NMNAT3: variants seen among roughly 807,000 people sequenced by gnomAD.
NMNAT3 encodes nicotinamide/nicotinic acid mononucleotide adenylyltransferase 3.
A neutral mutation model predicts 24.8 loss-of-function variants in NMNAT3; 21 were observed. The observed-to-expected ratio is 0.85, with a 90% CI of 0.60 to 1.22. The LOEUF is 1.22. Ranked by LOEUF, NMNAT3 falls within the 50% of genes most tolerant of loss-of-function variation. NMNAT3 has a pLI of 0.00. For synonymous variants in NMNAT3, 136 were observed against 155.2 expected, an observed-to-expected ratio of 0.88 and a Z score of 0.92; for missense variants, 387 against 436.6, an observed-to-expected ratio of 0.89 and a Z score of 1.01.
intron 1 of NMNAT3, among the ~76,000 whole-genome samples, chr3:139,663,835 C>A (rs2057495587): frequency 6.6e-6 from 1 of 152,164 alleles, no homozygotes; most frequent in African/African-American, 2.4e-5. Context: ...CACAGACTTC[C>A]TTCTCTCCCT....
intron 3 of NMNAT3, among the ~76,000 whole-genome samples, chr3:139,592,078 T>G (rs1437908131): frequency 6.6e-6 from 1 of 151,966 alleles, no homozygotes; most frequent in Non-Finnish European, 1.5e-5. Context: ...TGAAAAAAAT[T>G]TAGAAGAATG....
Position 139,633,182 on chromosome 3 carries a change from T to A in NMNAT3, c.-41+4781A>T, listed in dbSNP as rs78072722. Among the ~76,000 whole-genome samples the A allele has an allele frequency of 3.9e-3, 218 of 55,444 alleles. 3 individuals carry two copies. In the South Asian group the frequency reaches 0.054, roughly 14 times the overall value. The allele number at this position is 55,444 out of a possible 152,430, so 36.4% of individuals were successfully genotyped here. ...GGAATACATTTGTGTTTTTGTTTGA[T>A]TTTTTTTTTTTTTTTGAGATAGCGT... On this transcript the variant is annotated intron_variant, in intron 2 of 6. Coordinates refer to ENST00000643695, the MANE Select transcript of NMNAT3 (RefSeq NM_001320510.2).
chr3:139,598,463 C>T (rs1237203128), intron 3 of NMNAT3, among the ~76,000 whole-genome samples: 1 of 152,156 alleles, frequency 6.6e-6, no homozygotes, highest in Non-Finnish European at 1.5e-5. Flanking sequence ...AACTAGCCTA[C>T]TCAGAAAGAC....
chr3:139,560,883 A>G lies in NMNAT3; in HGVS notation c.*127T>C. 1 of 916,478 alleles carries G rather than the reference A, an allele frequency of 1.1e-6. No individual in the cohort carries two copies. The highest frequency in any genetic ancestry group is 2.4e-5 in the Admixed American group (1 of 42,502). The allele number at this position is 916,478 out of a possible 1,614,324, so 56.8% of individuals were successfully genotyped here. A position where few individuals can be genotyped will look rare whatever the true frequency, so the allele number is the denominator to read the frequency against. ...CTGGGACAGAAGACTCCTCAGAAGT[A>G]GAATCACTGTAGAAATAAAGCAAAT... On this transcript the variant is annotated 3_prime_UTR_variant, in exon 7 of 7. Coordinates refer to ENST00000643695, the MANE Select transcript of NMNAT3 (RefSeq NM_001320510.2).
In NMNAT3 at chr3:139,573,649, G is replaced by A; in HGVS notation, c.607C>T (p.Pro203Ser). 6.2e-7 allele frequency: 1 copy of A among 1,606,084 alleles called. No individual in the cohort carries two copies. Among genetic ancestry groups the A allele is most frequent in the Non-Finnish European group, 8.5e-7 (1 of 1,176,700 alleles). ...CCATGGTCTGGGCCTTCCATCTGGG[G>A]TGGAGATCTGAGCAGTTTGCTGTGA... Residue 203 changes from proline to serine, a missense_variant, in exon 6 of 7, where the codon CCC becomes TCC. Transcript: ENST00000643695.
intron 1 of NMNAT3, among the ~76,000 whole-genome samples, chr3:139,651,160 T>C (rs2057043721): frequency 6.6e-6 from 1 of 152,146 alleles, no homozygotes; most frequent in African/African-American, 2.4e-5. Flanking sequence ...TAAGAATTGG[T>C]AAGAAGTAAG....
intron 5 of NMNAT3, chr3:139,576,229 T>A: frequency 2.0e-6 from 2 of 985,180 alleles, no homozygotes; most frequent in Non-Finnish European, 2.4e-6. Flanking sequence ...TATAACTGGA[T>A]TTTCAGTCTT....
At chr3:139,661,537 G>C (rs984086663) in intron 1 of NMNAT3, among the ~76,000 whole-genome samples, 1 of 152,062 alleles carries the variant, frequency 6.6e-6, no homozygotes, top group Non-Finnish European at 1.5e-5. Context: ...CAGGTGTGTT[G>C]GTGTATGCCT....
intron 6 of NMNAT3, chr3:139,567,390 C>A (rs1041768549): frequency 6.6e-6 from 1 of 152,204 alleles, no homozygotes; most frequent in African/African-American, 2.4e-5. Context: ...GAACTTCCAA[C>A]ACTATGTTGA....
At chr3:139,652,493 G>A (rs991113626) in intron 1 of NMNAT3, among the ~76,000 whole-genome samples, 1 of 152,008 alleles carries the variant, frequency 6.6e-6, no homozygotes, top group Non-Finnish European at 1.5e-5. Context: ...GATGAGATTC[G>A]ACCCCACCCT....
chr3:139,598,269 G>C (rs1031276459), intron 3 of NMNAT3, among the ~76,000 whole-genome samples: 1 of 152,154 alleles, frequency 6.6e-6, no homozygotes, highest in African/African-American at 2.4e-5. Flanking sequence ...CCATTGAGAG[G>C]TGAAGTCTGT....
At chr3:139,656,982 A>G (rs1318066777) in intron 1 of NMNAT3, among the ~76,000 whole-genome samples, 1 of 152,238 alleles carries the variant, frequency 6.6e-6, no homozygotes, top group Non-Finnish European at 1.5e-5. Flanking sequence ...GGCAGTACCT[A>G]TACTGTACCT....
intron 6 of NMNAT3, among the ~76,000 whole-genome samples, chr3:139,564,255 T>C (rs1936845674): frequency 6.7e-6 from 1 of 148,424 alleles, no homozygotes; most frequent in African/African-American, 2.4e-5. Flanking sequence ...CCAACAGTGA[T>C]GTCTGTCATG....
intron 5 of NMNAT3, among the ~76,000 whole-genome samples, chr3:139,577,144 AG>A (rs1426605143): frequency 6.6e-6 from 1 of 152,184 alleles, no homozygotes; most frequent in African/African-American, 2.4e-5. Flanking sequence ...AAAATTAAAA[AG>A]AAAATGAATG....
intron 3 of NMNAT3, among the ~76,000 whole-genome samples, chr3:139,609,101 T>C (rs2055077071): frequency 6.6e-6 from 1 of 152,230 alleles, no homozygotes; most frequent in Non-Finnish European, 1.5e-5. Flanking sequence ...GAGTAGTCTA[T>C]GGTATGGATG....
chr3:139,617,637 AT>A (rs2055570710), intron 3 of NMNAT3, among the ~76,000 whole-genome samples: 1 of 152,254 alleles, frequency 6.6e-6, no homozygotes, highest in Non-Finnish European at 1.5e-5. Flanking sequence ...CTAAATAAGT[AT>A]TAACTGACAA....
chr3:139,600,413 C>T (rs2054660708), intron 3 of NMNAT3, among the ~76,000 whole-genome samples: 1 of 151,346 alleles, frequency 6.6e-6, no homozygotes, highest in South Asian at 2.1e-4. Flanking sequence ...TCAAGGGATT[C>T]TCCTGCCTCA....
At chr3:139,623,606 CAG>C (rs1180651498) in intron 3 of NMNAT3, among the ~76,000 whole-genome samples, 1 of 152,060 alleles carries the variant, frequency 6.6e-6, no homozygotes, top group African/African-American at 2.4e-5. Flanking sequence ...TTGATTGAGA[CAG>C]AGTCTCACTC....
chr3:139,577,480 C>G (rs1939507068), intron 5 of NMNAT3, among the ~76,000 whole-genome samples: 1 of 152,178 alleles, frequency 6.6e-6, no homozygotes, highest in African/African-American at 2.4e-5. Context: ...AAATTTTGCT[C>G]TAAAACCTGT....
Sources: gnomAD v4.1 joint callset for allele counts (sites outside exome capture counted in the v4.1 genomes callset) on GRCh38, gnomAD v4.1.1 for gene constraint, MANE v1.5 for transcripts, NCBI Gene and HGNC (gene_info 2026-07-23, HGNC 2026-07-21) for gene names.